The following TLE4 variants were observed in gnomAD, a reference collection of about 807,000 sequenced individuals.
TLE4 encodes TLE family member 4, transcriptional corepressor, also known as transducin-like enhancer protein 4.
Under a neutral mutation model 92.8 loss-of-function variants are expected in TLE4, and 8 were observed. The ratio of observed to expected loss-of-function variants is 0.09; its 90% CI spans 0.05 to 0.16. The LOEUF (loss-of-function observed/expected upper bound fraction) is 0.16, where lower values mean the gene tolerates loss of function less well. Among genes scored for constraint, TLE4 ranks in the 10% least tolerant of loss-of-function variants. TLE4 has a pLI of 1.00. For synonymous variants in TLE4, 371 were observed against 374.1 expected, an observed-to-expected ratio of 0.99 and a Z score of 0.10; for missense variants, 675 against 997.6, an observed-to-expected ratio of 0.68 and a Z score of 4.36.
intron 8 of TLE4, among the ~76,000 whole-genome samples, chr9:79,666,925 TATAA>T (rs2061493057): frequency 6.6e-6 from 1 of 152,238 alleles, no homozygotes; most frequent in African/African-American, 2.4e-5. Context: ...ATTTAAAAGT[TATAA>T]ATCCAATAAA....
chr9:79,586,038 T>C (rs1196808182), intron 4 of TLE4, among the ~76,000 whole-genome samples: 1 of 152,174 alleles, frequency 6.6e-6, no homozygotes, highest in Non-Finnish European at 1.5e-5. Context: ...TATCAGTATG[T>C]CTTTAAAGTG....
chr9:79,627,694 T>A (rs2052982990), intron 6 of TLE4: 1 of 463,332 alleles, frequency 2.2e-6, no homozygotes, highest in Non-Finnish European at 3.8e-6. Flanking sequence ...GATAGCTCTT[T>A]TTCATATTTC....
chr9:79,572,983 TCACCCC>T, intron 1 of TLE4, 148 bp downstream of exon 1: 1 of 816,306 alleles, frequency 1.2e-6, no homozygotes, highest in Non-Finnish European at 1.8e-6. Context: ...CCGCCCGCCA[TCACCCC>T]CACCCCCCGG....
chr9:79,633,310 T>G (rs1026245227), intron 6 of TLE4, among the ~76,000 whole-genome samples: 9 of 152,168 alleles, frequency 5.9e-5, no homozygotes, highest in Non-Finnish European at 2.9e-5. Context: ...TGACAAAGCT[T>G]CTCTGGAAGA....
At chr9:79,643,254 A>AC (rs2057509444) in intron 6 of TLE4, among the ~76,000 whole-genome samples, 1 of 152,208 alleles carries the variant, frequency 6.6e-6, no homozygotes, top group Non-Finnish European at 1.5e-5. Flanking sequence ...ATACATGTGC[A>AC]CTTTTTGGAA....
chr9:79,697,063 T>G (rs1342644987), intron 8 of TLE4, among the ~76,000 whole-genome samples: 1 of 152,124 alleles, frequency 6.6e-6, no homozygotes, highest in East Asian at 1.9e-4. Context: ...AAAAAATAAT[T>G]CCAGAAGAAA....
chr9:79,688,927 A>G (rs1258558111), intron 8 of TLE4, among the ~76,000 whole-genome samples: 2 of 152,084 alleles, frequency 1.3e-5, no homozygotes, highest in African/African-American at 2.4e-5. Flanking sequence ...CCCCCAAGCT[A>G]TAAGCCAGCA....
In TLE4 at chr9:79,718,811, A is replaced by G. The variant is rs1429243068; in HGVS notation, c.1430A>G (p.His477Arg). 3.1e-6 allele frequency: 5 copies of G among 1,613,752 alleles called. No individual in the cohort carries two copies. Among genetic ancestry groups the G allele is most frequent in the African/African-American group, 2.7e-5 (2 of 74,780 alleles). Residue 477 changes from histidine to arginine, a missense_variant, in exon 15 of 20, where the codon CAT (histidine) becomes CGT (arginine). Around this residue, in one of 5 missense-constraint regions of TLE4, gnomAD observed 119 missense variants for 175.9 expected, o/e 0.68. Transcript: ENST00000376552. ...CTCATCGGACCTGGAATCCCCCGGC[A>G]TGCTCGCCAGATCAACACCCTCAAC... ...DALIGPGIPR[H>R]ARQINTLNHG...
chr9:79,643,662 G>A (rs7046320), intron 6 of TLE4, among the ~76,000 whole-genome samples: 1,694 of 152,176 alleles, frequency 0.011, 38 homozygotes, highest in African/African-American at 0.038. Context: ...AGTGTTTTTA[G>A]TAGGAATACT....
intron 2 of TLE4, 53 bp from the exon 3 acceptor site, chr9:79,574,820 T>C: frequency 3.4e-6 from 5 of 1,465,952 alleles, no homozygotes; most frequent in Non-Finnish European, 4.8e-6. Context: ...GTTTAAGAGT[T>C]GAAGGATGTA....
chr9:79,726,409 A>T lies in TLE4; in HGVS notation c.*1265A>T, dbSNP rs1221009136. 6.6e-6 allele frequency: 1 copy of T among 152,662 alleles called. No individual in the cohort carries two copies. Among genetic ancestry groups the T allele is most frequent in the East Asian group, 1.9e-4 (1 of 5,202 alleles). 9.5% of individuals were successfully genotyped at this position (152,662 alleles called of 1,614,324 possible). On this transcript the variant is annotated 3_prime_UTR_variant, in exon 20 of 20. Transcript: ENST00000376552. ...GCTGATGTACAGTGCCTTTGCTGCT[A>T]TGGATCAAAATCAAAAGAACCGTGT...
chr9:79,573,962 A>G (rs547407651), intron 2 of TLE4, 176 bp downstream of exon 2: 1 of 407,962 alleles, frequency 2.5e-6, no homozygotes, highest in Non-Finnish European at 4.3e-6. Context: ...AGGTGTAAAT[A>G]AATTAAACAT....
chr9:79,669,964 G>A (rs2062007170), intron 8 of TLE4, among the ~76,000 whole-genome samples: 1 of 152,108 alleles, frequency 6.6e-6, no homozygotes, highest in South Asian at 2.1e-4. Context: ...GCTTGTTTCA[G>A]TACTAGATGG....
chr9:79,608,996 C>A (rs1412280836), intron 4 of TLE4, among the ~76,000 whole-genome samples: 2 of 151,926 alleles, frequency 1.3e-5, no homozygotes, highest in East Asian at 1.9e-4. Flanking sequence ...AAGTTTTTGT[C>A]TTTTAAATGA....
intron 8 of TLE4, chr9:79,671,227 A>G (rs1447667652): frequency 2.2e-6 from 1 of 456,488 alleles, no homozygotes; most frequent in East Asian, 7.0e-5. Context: ...CTTGCTGCTC[A>G]TAATGGATGA....
chr9:79,637,894 G>A (rs1264867769), intron 6 of TLE4, among the ~76,000 whole-genome samples: 1 of 151,998 alleles, frequency 6.6e-6, no homozygotes, highest in Non-Finnish European at 1.5e-5. Flanking sequence ...AGTTTTTGGA[G>A]GAGAGTGTTC....
chr9:79,656,827 A>C (rs1031088392), intron 8 of TLE4, among the ~76,000 whole-genome samples: 5 of 152,226 alleles, frequency 3.3e-5, no homozygotes, highest in Non-Finnish European at 7.3e-5. Context: ...GATTTAAGTA[A>C]TTTAGGTACT....
At chr9:79,692,246 G>A (rs1450444851) in intron 8 of TLE4, among the ~76,000 whole-genome samples, 3 of 151,772 alleles carry the variant, frequency 2.0e-5, no homozygotes, top group Non-Finnish European at 2.9e-5. Context: ...GGAAGAGCGC[G>A]ACTTCTGAAG....
rs2076288350 is a variant in TLE4, at chr9:79,725,363, A to G, written c.*219A>G. The G allele has an allele frequency of 4.7e-6, 2 of 421,222 alleles. No individual in the cohort carries two copies. Among genetic ancestry groups the G allele is most frequent in the Non-Finnish European group, 8.7e-6 (2 of 230,952 alleles). The allele number at this position is 421,222 out of a possible 1,614,324, so 26.1% of individuals were successfully genotyped here. On this transcript the variant is annotated 3_prime_UTR_variant, in exon 20 of 20. Coordinates refer to ENST00000376552, the MANE Select transcript of TLE4 (RefSeq NM_007005.6). Reference sequence around the variant, plus strand: ...ACCAAATCTTCAGCTGTCTACTTGGAAGAACATGGAATAAGCATACTTAAC... The same window carrying G: ...ACCAAATCTTCAGCTGTCTACTTGGGAGAACATGGAATAAGCATACTTAAC...
Sources: gnomAD v4.1 joint callset for allele counts (sites outside exome capture counted in the v4.1 genomes callset) on GRCh38, gnomAD v4.1.1 for gene constraint, gnomAD v4.1.1 regional missense constraint, MANE v1.5 for transcripts, NCBI Gene and HGNC (gene_info 2026-07-23, HGNC 2026-07-21) for gene names.